Variants in TOX4 observed in about 807,000 individuals in gnomAD.
The protein encoded by TOX4 is TOX high mobility group box family member 4, also known as epidermal Langerhans cell protein LCP1.
A neutral mutation model predicts 61.0 loss-of-function variants in TOX4; 12 were observed. The observed-to-expected ratio is 0.20, with a 90% CI of 0.13 to 0.32. The LOEUF (loss-of-function observed/expected upper bound fraction) is 0.32. Ranked by LOEUF, TOX4 falls within the 10% of genes least tolerant of loss-of-function variation. TOX4 has a pLI of 1.00. For synonymous variants in TOX4, 268 were observed against 274.8 expected (o/e 0.98, Z 0.24); for missense variants, 499 against 753.3 (o/e 0.66, Z 3.95).
At chr14:21,483,848 T>A (rs1374001965) in intron 2 of TOX4, among the ~76,000 whole-genome samples, 1 of 151,968 alleles carries the variant, frequency 6.6e-6, no homozygotes, top group East Asian at 1.9e-4. Flanking sequence ...TGCTCTGTCA[T>A]CCAGGCTGGA....
At chr14:21,492,229 A>G in intron 5 of TOX4, 67 bp from the exon 6 acceptor site, 6 of 1,390,616 alleles carry the variant, frequency 4.3e-6, no homozygotes, top group Middle Eastern at 1.9e-4. Flanking sequence ...TAAATAATAC[A>G]GAACTATCAG....
At chr14:21,490,216 G>A (rs150065719) in intron 5 of TOX4, among the ~76,000 whole-genome samples, 2,359 of 150,488 alleles carry the variant, frequency 0.016, 42 homozygotes, top group African/African-American at 0.055. Flanking sequence ...GGTGGCTCAC[G>A]CCTGTTAATC....
chr14:21,497,389 A>G lies in TOX4; in HGVS notation c.*783A>G, dbSNP rs1891425120. ...CAGAAGTTTACAGCATGATAGTCCA[A>G]GTGGTGATAACTTTAAATAAAACTC... On this transcript the variant is annotated 3_prime_UTR_variant, in exon 9 of 9. Coordinates refer to ENST00000448790, the MANE Select transcript of TOX4 (RefSeq NM_014828.4). The G allele has an allele frequency of 6.6e-6, 1 of 152,200 alleles. No homozygotes were observed. Among genetic ancestry groups the G allele is most frequent in the South Asian group, 2.1e-4 (1 of 4,830 alleles). The allele number at this position is 152,200 out of a possible 1,614,324, so 9.4% of individuals were successfully genotyped here. A position where few individuals can be genotyped will look rare whatever the true frequency, so the allele number is the denominator to read the frequency against.
chr14:21,487,920 T>C (rs1891215829), intron 3 of TOX4: 1 of 463,844 alleles, frequency 2.2e-6, no homozygotes, highest in Non-Finnish European at 3.5e-6. Context: ...TTGAAAATTA[T>C]TTATTGTGGT....
At chr14:21,490,309 T>C (rs1196595368) in intron 5 of TOX4, among the ~76,000 whole-genome samples, 1 of 151,610 alleles carries the variant, frequency 6.6e-6, no homozygotes, top group Non-Finnish European at 1.5e-5. Flanking sequence ...ACCCCGACTC[T>C]ACTAAAAATA....
At chr14:21,481,321 G>A (rs1301169854) in intron 2 of TOX4, among the ~76,000 whole-genome samples, 2 of 152,088 alleles carry the variant, frequency 1.3e-5, no homozygotes, top group Non-Finnish European at 2.9e-5. Context: ...TGGGATTACA[G>A]GCATGTGCCA....
In TOX4 at chr14:21,484,902, G is replaced by A. The variant is rs1231289499; in HGVS notation, c.76-2549G>A. On this transcript the variant is annotated intron_variant, in intron 2 of 8. Transcript: ENST00000448790. ...TCGAACTCCTGGCCTCGTGTGATCC[G>A]CCCACCTGGGCCTCCCGAAGTGCTG... 5.7e-5 allele frequency among the ~76,000 whole-genome samples: 6 copies of A among 105,490 alleles called. 2 individuals are homozygous for A. The highest frequency in any genetic ancestry group is 1.8e-4 in the African/African-American group (5 of 28,152). 69.2% of individuals were successfully genotyped at this position (105,490 alleles called of 152,430 possible).
Position 21,489,224 on chromosome 14 carries a change from G to T in TOX4, c.631G>T (p.Ala211Ser). The stretch of plus-strand genomic sequence containing the variant: ...GGTGGAAGCAGGGAAAAAGCAGAAG[G>T]CCCCAAAGAAGAGAAAAAAGAAAGA... ...VVVEAGKKQK[A>S]PKKRKKKDPN... Residue 211 changes from alanine to serine, a missense_variant, in exon 5 of 9, where the codon GCC becomes TCC. By Grantham distance (99) the Ala-to-Ser change is moderately conservative. Coordinates refer to ENST00000448790, the MANE Select transcript of TOX4 (RefSeq NM_014828.4). 1 of 1,614,122 alleles carries T rather than the reference G, an allele frequency of 6.2e-7. No homozygotes were observed. Among genetic ancestry groups the T allele is most frequent in the Non-Finnish European group, 8.5e-7 (1 of 1,180,026 alleles).
intron 2 of TOX4, 73 bp downstream of exon 2, chr14:21,477,637 C>T (rs1891021602): frequency 5.2e-6 from 8 of 1,532,504 alleles, no homozygotes; most frequent in Non-Finnish European, 7.1e-6. Flanking sequence ...GGGAGGAGAG[C>T]ACGGACTCCG....
At chr14:21,492,120 G>C (rs1353942415) in intron 5 of TOX4, 176 bp from the exon 6 acceptor site, 1 of 606,292 alleles carries the variant, frequency 1.6e-6, no homozygotes, top group African/African-American at 1.9e-5. Context: ...TCAGTGGAGT[G>C]AGTCTGCCAT....
In TOX4 at chr14:21,484,940, T is replaced by C. The variant is rs1259087454; in HGVS notation, c.76-2511T>C. On this transcript the variant is annotated intron_variant, in intron 2 of 8. Coordinates refer to ENST00000448790, the MANE Select transcript of TOX4 (RefSeq NM_014828.4). ...TCCCGAAGTGCTGGGATTACAGGCG[T>C]GAGCCACTGCTCCCAGCCTAATGTC... Among the ~76,000 whole-genome samples, 2 of 107,164 alleles carry C rather than the reference T, an allele frequency of 1.9e-5. 1 individual carries two copies. The highest frequency in any genetic ancestry group is 7.0e-5 in the African/African-American group (2 of 28,608). The allele number at this position is 107,164 out of a possible 152,430, so 70.3% of individuals were successfully genotyped here.
At chr14:21,493,400 C>T (rs988583830) in intron 7 of TOX4, 143 bp downstream of exon 7, 1 of 766,196 alleles carries the variant, frequency 1.3e-6, no homozygotes, top group African/African-American at 4.2e-5. Flanking sequence ...GAGTTCCTTG[C>T]AGCAGTTGAC....
chr14:21,482,420 TAAG>T (rs1485137108), intron 2 of TOX4: 1 of 351,832 alleles, frequency 2.8e-6, no homozygotes, highest in Non-Finnish European at 5.6e-6. Context: ...ATCTATATAA[TAAG>T]CTAAAGAAAT....
intron 7 of TOX4, 96 bp from the exon 8 acceptor site, chr14:21,495,133 C>A: frequency 7.2e-7 from 1 of 1,391,296 alleles, no homozygotes. Flanking sequence ...AATTCTAATA[C>A]CTGTTGCTTC....
At chr14:21,481,486 A>C (rs372813756) in intron 2 of TOX4, among the ~76,000 whole-genome samples, 4 of 152,318 alleles carry the variant, frequency 2.6e-5, no homozygotes, top group African/African-American at 9.6e-5. Flanking sequence ...GTGGATGTGG[A>C]TAACTTAATT....
At chr14:21,477,342 A>G (rs1566476775) in intron 1 of TOX4, 58 bp downstream of exon 1, 1 of 1,613,770 alleles carries the variant, frequency 6.2e-7, no homozygotes, top group South Asian at 1.1e-5. Context: ...GGGTTGAAGC[A>G]GGGACGGGAA....
chr14:21,477,959 CAG>C (rs1394054315), intron 2 of TOX4, among the ~76,000 whole-genome samples: 3 of 152,174 alleles, frequency 2.0e-5, no homozygotes, highest in African/African-American at 4.8e-5. Flanking sequence ...TGTTTTGAGA[CAG>C]AGTCTCGCTT....
Position 21,498,501 on chromosome 14 carries a change from AT to A in TOX4, c.*1897del. The A allele has an allele frequency of 1.3e-6, 1 of 796,758 alleles. No individual in the cohort carries two copies. The highest frequency in any genetic ancestry group is 2.0e-6 in the Non-Finnish European group (1 of 496,900). The allele number at this position is 796,758 out of a possible 1,614,324, so 49.4% of individuals were successfully genotyped here. A position where few individuals can be genotyped will look rare whatever the true frequency, so the allele number is the denominator to read the frequency against. On this transcript the variant is annotated 3_prime_UTR_variant, in exon 9 of 9. Coordinates refer to ENST00000448790, the MANE Select transcript of TOX4 (RefSeq NM_014828.4). ...ATGCCAATTCTAAAAAGAGCTTAAC[AT>A]TAGAATAGTATATGGTAGAATTACT...
chr14:21,491,612 C>T (rs1371184897), intron 5 of TOX4, among the ~76,000 whole-genome samples: 3 of 151,560 alleles, frequency 2.0e-5, no homozygotes, highest in African/African-American at 7.3e-5. Context: ...ATCTGGCCAC[C>T]TTGGCCTCCC....
Sources: gnomAD v4.1 joint callset for allele counts (sites outside exome capture counted in the v4.1 genomes callset) on GRCh38, gnomAD v4.1.1 for gene constraint, MANE v1.5 for transcripts, NCBI Gene and HGNC (gene_info 2026-07-23, HGNC 2026-07-21) for gene names.